Variants in TMPRSS15 observed in about 807,000 individuals in gnomAD.
TMPRSS15 encodes the protein enteropeptidase.
Under a neutral mutation model 125.3 loss-of-function variants are expected in TMPRSS15, and 128 were observed. The ratio of observed to expected loss-of-function variants is 1.02; its 90% CI spans 0.89 to 1.18. The LOEUF (loss-of-function observed/expected upper bound fraction) is 1.18, where lower values mean the gene tolerates loss of function less well. Ranked by LOEUF, TMPRSS15 falls within the 50% of genes most tolerant of loss-of-function variation. The probability of loss-of-function intolerance (pLI) is 0.00; values close to 1 mark genes in which losing one functional copy is unlikely to be tolerated. For synonymous variants in TMPRSS15, 446 were observed against 423.2 expected, an observed-to-expected ratio of 1.05 and a Z score of -0.66; for missense variants, 1,283 against 1,212.7, an observed-to-expected ratio of 1.06 and a Z score of -0.86.
chr21:18,353,585 TAAG>T (rs1205374484), intron 9 of TMPRSS15, 135 bp downstream of exon 9: 2 of 730,474 alleles, frequency 2.7e-6, no homozygotes, highest in African/African-American at 1.8e-5. Context: ...TTTTAAGTTC[TAAG>T]AAGAGAAAGA....
chr21:18,276,948 T>G (rs972181337), intron 23 of TMPRSS15, among the ~76,000 whole-genome samples: 1 of 151,764 alleles, frequency 6.6e-6, no homozygotes, highest in Non-Finnish European at 1.5e-5. Flanking sequence ...GTATTTTAAG[T>G]AGAGACGGGG....
At chr21:18,374,346 G>A (rs1443665007) in intron 5 of TMPRSS15, among the ~76,000 whole-genome samples, 1 of 151,178 alleles carries the variant, frequency 6.6e-6, no homozygotes, top group Non-Finnish European at 1.5e-5. Context: ...GGTGGCGGGC[G>A]CCTGTAGTCC....
At chr21:18,371,717 A>G (rs1361610666) in intron 6 of TMPRSS15, among the ~76,000 whole-genome samples, 1 of 152,142 alleles carries the variant, frequency 6.6e-6, no homozygotes, top group Non-Finnish European at 1.5e-5. Context: ...CAAAATTTTA[A>G]TATGGTGCTC....
At chr21:18,310,115 G>A (rs1394001933) in intron 18 of TMPRSS15, among the ~76,000 whole-genome samples, 1 of 152,064 alleles carries the variant, frequency 6.6e-6, no homozygotes, top group Non-Finnish European at 1.5e-5. Flanking sequence ...TATATTAACA[G>A]GAAAAAGTTG....
Position 18,403,510 on chromosome 21 carries a change from A to G in TMPRSS15, c.113T>C (p.Val38Ala), listed in dbSNP as rs1303649903. ...GGATTCCTTGATTGTCAGGCAGGAT[A>G]CTGCAATTAATCCAGCACAGAGCAC... The part of the protein sequence containing the change: ...LVVLCAGLIA[V>A]SCLTIKESQR... Residue 38 changes from valine to alanine, a missense_variant, in exon 1 of 25, where the codon GTA (valine) becomes GCA (alanine). By Grantham distance (64) the Val-to-Ala change is moderately conservative. Coordinates refer to ENST00000284885, the MANE Select transcript of TMPRSS15 (RefSeq NM_002772.3). 1 of 1,614,186 alleles carries G rather than the reference A, an allele frequency of 6.2e-7. No individual in the cohort carries two copies. The highest frequency in any genetic ancestry group is 8.5e-7 in the Non-Finnish European group (1 of 1,180,014).
At chr21:18,394,473 T>TTCATTCTAACCAAA (rs1308291871) in intron 3 of TMPRSS15, among the ~76,000 whole-genome samples, 2 of 152,114 alleles carry the variant, frequency 1.3e-5, no homozygotes, top group Non-Finnish European at 2.9e-5. Context: ...AATGATAATT[T>TTCATTCTAACCAAA]TCATTCTAAC....
At chr21:18,430,381 G>A (rs1356745245) in intron 1 of TMPRSS15, among the ~76,000 whole-genome samples, 1 of 152,088 alleles carries the variant, frequency 6.6e-6, no homozygotes, top group East Asian at 1.9e-4. Flanking sequence ...TATGTTGCTT[G>A]ATCAAAGATC....
At chr21:18,321,974 G>A (rs1179530214) in intron 16 of TMPRSS15, among the ~76,000 whole-genome samples, 2 of 152,130 alleles carry the variant, frequency 1.3e-5, no homozygotes, top group African/African-American at 2.4e-5. Context: ...CAATCAGGGG[G>A]ATTTTCCCTT....
At chr21:18,271,124 C>T (rs1443289726) in intron 24 of TMPRSS15, among the ~76,000 whole-genome samples, 3 of 152,102 alleles carry the variant, frequency 2.0e-5, no homozygotes, top group African/African-American at 4.8e-5. Flanking sequence ...ATTGCACTGG[C>T]GACCATAGGT....
At chr21:18,415,843 G>A (rs1431871420) in intron 1 of TMPRSS15, among the ~76,000 whole-genome samples, 1 of 152,034 alleles carries the variant, frequency 6.6e-6, no homozygotes, top group Admixed American at 6.5e-5. Context: ...AAATTGTAAA[G>A]GAACAGAATA....
chr21:18,345,043 A>C (rs912925290), intron 10 of TMPRSS15, among the ~76,000 whole-genome samples: 11 of 152,228 alleles, frequency 7.2e-5, no homozygotes, highest in Non-Finnish European at 1.6e-4. Context: ...TAAAGAAAAG[A>C]AGCTAGTAGA....
chr21:18,467,524 T>C (rs1978692093), intron 1 of TMPRSS15, among the ~76,000 whole-genome samples: 2 of 152,018 alleles, frequency 1.3e-5, no homozygotes, highest in African/African-American at 2.4e-5. Context: ...GAGAAGAAAA[T>C]AGCAGATAGA....
At chr21:18,471,130 A>C (rs536003934) in intron 1 of TMPRSS15, among the ~76,000 whole-genome samples, 1 of 152,068 alleles carries the variant, frequency 6.6e-6, no homozygotes, top group South Asian at 2.1e-4. Context: ...CCAAAGGCAG[A>C]AATTTGGGGT....
At chr21:18,368,169 T>C (rs2075756588) in intron 6 of TMPRSS15, among the ~76,000 whole-genome samples, 1 of 152,218 alleles carries the variant, frequency 6.6e-6, no homozygotes, top group Non-Finnish European at 1.5e-5. Flanking sequence ...TTTGTAAAGC[T>C]GATAAAATTT....
At chr21:18,281,804 TTAAAG>T (rs2074701501) in intron 21 of TMPRSS15, among the ~76,000 whole-genome samples, 1 of 151,910 alleles carries the variant, frequency 6.6e-6, no homozygotes, top group South Asian at 2.1e-4. Context: ...TCACATATAG[TTAAAG>T]TAAACAAGCC....
At chr21:18,433,791 T>A (rs1383491668) in intron 1 of TMPRSS15, among the ~76,000 whole-genome samples, 1 of 152,074 alleles carries the variant, frequency 6.6e-6, no homozygotes, top group East Asian at 1.9e-4. Context: ...ACTTTATACA[T>A]TTTCCTAAAA....
intron 6 of TMPRSS15, among the ~76,000 whole-genome samples, chr21:18,366,075 C>CT (rs2075734915): frequency 6.6e-6 from 1 of 152,068 alleles, no homozygotes; most frequent in African/African-American, 2.4e-5. Flanking sequence ...CTAAGCTGCA[C>CT]TTTAAGTGTA....
upstream of TMPRSS15, among the ~76,000 whole-genome samples, chr21:18,406,447 A>G (rs984199374): frequency 1.3e-5 from 2 of 152,148 alleles, no homozygotes; most frequent in African/African-American, 2.4e-5. Flanking sequence ...GCTTACAAAT[A>G]AAAAACACTC....
In TMPRSS15 at chr21:18,294,609, G is replaced by T; in HGVS notation, c.2305C>A (p.His769Asn). The T allele has an allele frequency of 6.2e-7, 1 of 1,610,864 alleles. No homozygotes were observed. The highest frequency in any genetic ancestry group is 1.1e-5 in the South Asian group (1 of 90,972). Residue 769 changes from histidine to asparagine, a missense_variant, in exon 20 of 25, where the codon CAT becomes AAT. Coordinates refer to ENST00000284885, the MANE Select transcript of TMPRSS15 (RefSeq NM_002772.3). ...QDSLIRLQCNHKSCGKKLAAQ... is the reference protein window; with the variant it reads ...QDSLIRLQCNNKSCGKKLAAQ... ...TGACAACATATTTACTTACATTTATGGTTACACTGTAACCGAATCAAGGAA... is the reference window on the plus strand; with the variant it reads ...TGACAACATATTTACTTACATTTATTGTTACACTGTAACCGAATCAAGGAA...
Sources: allele counts gnomAD v4.1 joint callset (sites outside exome capture counted in the v4.1 genomes callset), GRCh38; gene constraint gnomAD v4.1.1; transcripts MANE v1.5; gene names NCBI Gene and HGNC (gene_info 2026-07-23, HGNC 2026-07-21).